The following FOXN3 variants were observed in gnomAD, a reference collection of about 807,000 sequenced individuals.
FOXN3 encodes forkhead box N3.
Under a neutral mutation model 38.4 loss-of-function variants are expected in FOXN3, and 7 were observed. That is an observed-to-expected ratio of 0.18 (90% CI 0.10 to 0.34). The LOEUF (loss-of-function observed/expected upper bound fraction) is 0.34, where lower values mean the gene tolerates loss of function less well. Ranked by LOEUF, FOXN3 falls within the 10% of genes least tolerant of loss-of-function variation. FOXN3 has a pLI of 1.00. For missense variants in FOXN3, 456 were observed against 613.4 expected (o/e 0.74, Z 2.71); for synonymous variants, 230 against 242.2 (o/e 0.95, Z 0.47).
intron 3 of FOXN3, among the ~76,000 whole-genome samples, chr14:89,310,973 G>A (rs762446309): frequency 2.6e-5 from 4 of 151,850 alleles, no homozygotes; most frequent in Non-Finnish European, 5.9e-5. Context: ...GGGCGTGGCA[G>A]AGCACACCTG....
intron 3 of FOXN3, among the ~76,000 whole-genome samples, chr14:89,346,827 CT>C (rs1185830134): frequency 6.6e-6 from 1 of 152,124 alleles, no homozygotes; most frequent in African/African-American, 2.4e-5. Context: ...TGTGTCTCTT[CT>C]CTCATTTATT....
chr14:89,253,039 G>A (rs1885508734), intron 4 of FOXN3, among the ~76,000 whole-genome samples: 1 of 152,136 alleles, frequency 6.6e-6, no homozygotes, highest in East Asian at 1.9e-4. Flanking sequence ...GTTTTGCCTC[G>A]GTGCTGATCC....
chr14:89,608,994 G>A (rs184499388), intron 1 of FOXN3, among the ~76,000 whole-genome samples: 4 of 152,276 alleles, frequency 2.6e-5, no homozygotes, highest in East Asian at 1.9e-4. Context: ...AGTGGTGACT[G>A]TACAACATGG....
At chr14:89,487,961 T>C (rs1387223334) in intron 1 of FOXN3, among the ~76,000 whole-genome samples, 1 of 152,108 alleles carries the variant, frequency 6.6e-6, no homozygotes, top group Non-Finnish European at 1.5e-5. Flanking sequence ...GCCCGGAGGT[T>C]GGAAAGCGTG....
intron 2 of FOXN3, among the ~76,000 whole-genome samples, chr14:89,351,867 A>G (rs999883327): frequency 1.3e-5 from 2 of 152,214 alleles, no homozygotes; most frequent in African/African-American, 4.8e-5. Flanking sequence ...CAATCCAAGA[A>G]AATCCCACTG....
intron 2 of FOXN3, among the ~76,000 whole-genome samples, chr14:89,367,680 G>A (rs1417758216): frequency 1.3e-5 from 2 of 152,084 alleles, no homozygotes; most frequent in Non-Finnish European, 1.5e-5. Flanking sequence ...TAGGGGGATG[G>A]AGGAAAAAAT....
Position 89,325,359 on chromosome 14 carries a change from CACT to C in FOXN3, c.680+25310_680+25312del, listed in dbSNP as rs1250131681. Among the ~76,000 whole-genome samples the C allele has an allele frequency of 2.8e-4, 39 of 138,162 alleles. 1 individual carries two copies. Among genetic ancestry groups the C allele is most frequent in the Non-Finnish European group, 2.1e-4 (13 of 62,210 alleles). The allele number at this position is 138,162 out of a possible 152,430, so 90.6% of individuals were successfully genotyped here. On this transcript the variant is annotated intron_variant, in intron 3 of 5. Coordinates refer to ENST00000557258, the MANE Select transcript of FOXN3 (RefSeq NM_005197.4). ...CCACCACCACCACCACCACCACCAC[CACT>C]ACCACCACCGCCACCACCACCATCA...
chr14:89,192,809 A>G (rs1167312550), intron 4 of FOXN3, among the ~76,000 whole-genome samples: 2 of 147,332 alleles, frequency 1.4e-5, no homozygotes, highest in African/African-American at 4.9e-5. Context: ...ATAAATATAT[A>G]AGATATAGAA....
intron 4 of FOXN3, among the ~76,000 whole-genome samples, chr14:89,271,915 G>A (rs1465060612): frequency 6.6e-6 from 1 of 152,234 alleles, no homozygotes; most frequent in East Asian, 1.9e-4. Context: ...ACTGGTGTGA[G>A]TTCAGGTTTC....
intron 3 of FOXN3, among the ~76,000 whole-genome samples, chr14:89,331,501 G>A (rs1433068561): frequency 6.6e-6 from 1 of 152,124 alleles, no homozygotes; most frequent in Non-Finnish European, 1.5e-5. Context: ...TAAACAGGAT[G>A]GTCTATGGAT....
chr14:89,187,220 G>A (rs911087405), intron 4 of FOXN3, among the ~76,000 whole-genome samples: 1 of 152,178 alleles, frequency 6.6e-6, no homozygotes, highest in Non-Finnish European at 1.5e-5. Context: ...GGGGCATCTA[G>A]CAGCCCAAGA....
chr14:89,554,847 G>C (rs533043970), intron 1 of FOXN3, among the ~76,000 whole-genome samples: 28 of 140,844 alleles, frequency 2.0e-4, no homozygotes, highest in Middle Eastern at 7.6e-3. Flanking sequence ...GGAGTGCAGT[G>C]GCGTGATCTC....
chr14:89,312,994 C>T (rs750379941), intron 3 of FOXN3, among the ~76,000 whole-genome samples: 3 of 152,198 alleles, frequency 2.0e-5, no homozygotes, highest in Non-Finnish European at 2.9e-5. Context: ...AAAGCCCTGT[C>T]GCTTTGTCCC....
rs145210759 is a variant in FOXN3 at position 89,243,484 on chromosome 14, T to C, written c.745+37466A>G. Among the ~76,000 whole-genome samples, 5 of 152,338 alleles carry C rather than the reference T, an allele frequency of 3.3e-5. No individual in the cohort carries two copies. In the East Asian group the frequency reaches 9.6e-4, roughly 29 times the overall value. ...AGGGCTGGGTGGATAGCAACATTTT[T>C]TAACCTAGATACAGTTGTGACAACC... On this transcript the variant is annotated intron_variant, in intron 4 of 5. Transcript: ENST00000557258.
At chr14:89,180,980 A>T (rs1887657276) in intron 4 of FOXN3, among the ~76,000 whole-genome samples, 174 bp from the exon 5 acceptor site, 1 of 151,606 alleles carries the variant, frequency 6.6e-6, no homozygotes, top group African/African-American at 2.4e-5. Flanking sequence ...AGTCACACAG[A>T]CATGCACAGA....
At chr14:89,423,445 G>C (rs1020743582) in intron 1 of FOXN3, among the ~76,000 whole-genome samples, 2 of 152,154 alleles carry the variant, frequency 1.3e-5, no homozygotes, top group Non-Finnish European at 2.9e-5. Flanking sequence ...TGACATATTA[G>C]ACTGCATACC....
At chr14:89,309,135 T>C (rs990651933) in intron 3 of FOXN3, among the ~76,000 whole-genome samples, 1 of 152,154 alleles carries the variant, frequency 6.6e-6, no homozygotes, top group African/African-American at 2.4e-5. Flanking sequence ...ATACACCAGG[T>C]TTGAGGGTCT....
At chr14:89,285,871 T>A (rs1038908193) in intron 3 of FOXN3, among the ~76,000 whole-genome samples, 87 of 37,852 alleles carry the variant, frequency 2.3e-3, no homozygotes, top group Non-Finnish European at 3.8e-3. Context: ...AAATTTTTTT[T>A]TTTTTTTTTT....
chr14:89,462,983 C>A (rs1241339311), intron 1 of FOXN3, among the ~76,000 whole-genome samples: 2 of 151,572 alleles, frequency 1.3e-5, no homozygotes, highest in African/African-American at 4.8e-5. Flanking sequence ...CGCACCCAGC[C>A]CTCTCTTCCT....
Sources: allele counts gnomAD v4.1 joint callset (sites outside exome capture counted in the v4.1 genomes callset), GRCh38; gene constraint gnomAD v4.1.1; transcripts MANE v1.5; gene names NCBI Gene and HGNC (gene_info 2026-07-23, HGNC 2026-07-21).